LSM3: variants seen among roughly 807,000 people sequenced by gnomAD.
LSM3 encodes LSM3 homolog, U6 small nuclear RNA and mRNA degradation associated, also known as U6 snRNA-associated Sm-like protein LSm3.
In LSM3, 14 loss-of-function variants were observed where a neutral mutation model predicts 15.4. The observed-to-expected ratio is 0.91, with a 90% CI of 0.60 to 1.42. The LOEUF is 1.42. LSM3 is among the 40% of genes most tolerant of loss of function. LSM3 has a pLI of 0.00. For synonymous variants in LSM3, 46 were observed against 45.1 expected (o/e 1.02, Z -0.08); for missense variants, 88 against 127.9 (o/e 0.69, Z 1.50).
intron 3 of LSM3, among the ~76,000 whole-genome samples, chr3:14,189,477 T>G (rs1697119343): frequency 6.6e-6 from 1 of 152,248 alleles, no homozygotes; most frequent in Non-Finnish European, 1.5e-5. Context: ...GTTTCCTGGC[T>G]TTTTAATGAT....
chr3:14,181,451 C>A, intron 1 of LSM3, 109 bp from the exon 2 acceptor site: 3 of 717,962 alleles, frequency 4.2e-6, no homozygotes, highest in Non-Finnish European at 7.5e-6. Context: ...GATTAGGAGA[C>A]TGAGGCAGAA....
chr3:14,193,391 C>T (rs188147462), intron 3 of LSM3, among the ~76,000 whole-genome samples: 1 of 152,304 alleles, frequency 6.6e-6, no homozygotes, highest in East Asian at 1.9e-4. Flanking sequence ...TGGTTCCATT[C>T]TCTCCGTCAC....
rs1198495185 is a variant in LSM3 at position 14,200,989 on chromosome 3, T to C, written c.*2873T>C. On this transcript the variant is annotated 3_prime_UTR_variant, in exon 4 of 4. Coordinates refer to ENST00000306024, the MANE Select transcript of LSM3 (RefSeq NM_014463.3). ...TCAAATAATACTTAGCTATTACCCA[T>C]ATTGCTTTTAGCCTGCTGCCAGGAG... 1 of 152,166 alleles carries C rather than the reference T, an allele frequency of 6.6e-6. No homozygotes were observed. The highest frequency in any genetic ancestry group is 1.5e-5 in the Non-Finnish European group (1 of 68,022). 9.4% of individuals were successfully genotyped at this position (152,166 alleles called of 1,614,324 possible). A position where few individuals can be genotyped will look rare whatever the true frequency, so the allele number is the denominator to read the frequency against.
rs895863824 is a variant in LSM3, at chr3:14,178,866, G to C, written c.6G>C (p.Ala2=). 1 of 1,614,216 alleles carries C rather than the reference G, an allele frequency of 6.2e-7. No homozygotes were observed. The highest frequency in any genetic ancestry group is 8.5e-7 in the Non-Finnish European group (1 of 1,180,032). The change falls in exon 1 of 4, where the codon GCG becomes GCC. Residue 2 remains alanine, a synonymous_variant. Transcript: ENST00000306024. The part of the protein sequence containing the change: M[A]DDVDQQQTTN... ...AAGGGCGCAGGGTTTGAAACATGGC[G>C]GACGACGTAGACCAGGTAAGTGTAT...
At chr3:14,195,109 C>A (rs2124828707) in intron 3 of LSM3, among the ~76,000 whole-genome samples, 1 of 152,264 alleles carries the variant, frequency 6.6e-6, no homozygotes, top group South Asian at 2.1e-4. Flanking sequence ...TTCCTCCATG[C>A]AGTCATTCAG....
At chr3:14,180,820 CCT>C (rs1491277394) in intron 1 of LSM3, among the ~76,000 whole-genome samples, 617 of 51,404 alleles carry the variant, frequency 0.012, 60 homozygotes, top group African/African-American at 0.027. Context: ...TGCTTGCTTG[CCT>C]TTTTTTTTTT....
rs1441857286 is a variant in LSM3 at position 14,199,663 on chromosome 3, C to T, written c.*1547C>T. On this transcript the variant is annotated 3_prime_UTR_variant, in exon 4 of 4. Coordinates refer to ENST00000306024, the MANE Select transcript of LSM3 (RefSeq NM_014463.3). ...GACACCCTCCCTTCACTTGTGCCAT[C>T]CCCACGCTTTGTCCTTAAGCTGTAG... The T allele has an allele frequency of 6.6e-6, 1 of 152,220 alleles. No homozygotes were observed. Among genetic ancestry groups the T allele is most frequent in the Non-Finnish European group, 1.5e-5 (1 of 68,050 alleles). The allele number at this position is 152,220 out of a possible 1,614,324, so 9.4% of individuals were successfully genotyped here.
At chr3:14,179,525 C>G (rs1696992405) in intron 1 of LSM3, among the ~76,000 whole-genome samples, 1 of 152,200 alleles carries the variant, frequency 6.6e-6, no homozygotes, top group East Asian at 1.9e-4. Context: ...ATCTGACCTC[C>G]TCAGAGAGGA....
At chr3:14,189,986 G>C (rs905088291) in intron 3 of LSM3, among the ~76,000 whole-genome samples, 3 of 152,202 alleles carry the variant, frequency 2.0e-5, no homozygotes, top group Admixed American at 6.5e-5. Flanking sequence ...AAGGTGTAAG[G>C]AAGGGATCCA....
At chr3:14,192,398 A>G (rs541566746) in intron 3 of LSM3, among the ~76,000 whole-genome samples, 1 of 152,180 alleles carries the variant, frequency 6.6e-6, no homozygotes, top group African/African-American at 2.4e-5. Flanking sequence ...GTCTCCCGCA[A>G]TTATTGTGTG....
At chr3:14,184,551 G>A (rs934206801) in intron 3 of LSM3, among the ~76,000 whole-genome samples, 5 of 150,186 alleles carry the variant, frequency 3.3e-5, no homozygotes, top group African/African-American at 1.2e-4. Flanking sequence ...TCAGGAGATC[G>A]AGACCATCCC....
chr3:14,195,949 G>GTTTTTTTTTTT (rs58504064), intron 3 of LSM3, among the ~76,000 whole-genome samples: 1 of 138,506 alleles, frequency 7.2e-6, no homozygotes, highest in Admixed American at 7.2e-5. Flanking sequence ...AGCTTTGTGA[G>GTTTTTTTTTTT]TTTTTTTTTT....
At position 14,181,670 on chromosome 3, in the gene LSM3, T is replaced by C. The variant is rs1697040326; in HGVS notation, c.132T>C (p.His44=). 1.2e-6 allele frequency: 2 copies of C among 1,602,084 alleles called. No individual in the cohort carries two copies. Among genetic ancestry groups the C allele is most frequent in the South Asian group, 2.2e-5 (2 of 90,826 alleles). ...ACCGAGAGCTTCGAGGCAGATTACA[T>C]GTAAGTAAATTTATCAAGTTACCTT... ...RNDRELRGRL[H]AYDQHLNMIL... is the part of the protein sequence containing the mutation. The change falls in exon 2 of 4, where the codon CAT becomes CAC. Residue 44 remains histidine (H), a splice_region_variant and synonymous_variant. Transcript: ENST00000306024.
chr3:14,191,145 G>C (rs999118277), intron 3 of LSM3, among the ~76,000 whole-genome samples: 1 of 152,130 alleles, frequency 6.6e-6, no homozygotes, highest in Non-Finnish European at 1.5e-5. Context: ...ACTTGATCGT[G>C]GTGGATCAGC....
At chr3:14,187,135 G>A (rs1697096569) in intron 3 of LSM3, among the ~76,000 whole-genome samples, 2 of 152,184 alleles carry the variant, frequency 1.3e-5, no homozygotes. Flanking sequence ...GTCCACCTGT[G>A]TCATCCCTAG....
intron 3 of LSM3, among the ~76,000 whole-genome samples, chr3:14,184,320 A>C (rs898495826): frequency 2.0e-5 from 3 of 152,236 alleles, no homozygotes; most frequent in African/African-American, 7.2e-5. Flanking sequence ...ATTCAGTGAG[A>C]TACAACAATG....
chr3:14,198,057 A>G lies in LSM3; in HGVS notation c.250A>G (p.Met84Val), dbSNP rs747225926. The change falls in exon 4 of 4, where the codon ATG becomes GTG. Residue 84 changes from methionine to valine, a missense_variant. Coordinates refer to ENST00000306024, the MANE Select transcript of LSM3 (RefSeq NM_014463.3). ...CTAGTCAACGAAACGGAATATTCCA[A>G]TGCTCTTTGTCCGGGGAGATGGCGT... ...IYKSTKRNIP[M>V]LFVRGDGVVL... The G allele has an allele frequency of 3.1e-6, 5 of 1,613,872 alleles. No homozygotes were observed. The highest frequency in any genetic ancestry group is 2.2e-5 in the East Asian group (1 of 44,868).
At chr3:14,186,594 T>G (rs1411137112) in intron 3 of LSM3, among the ~76,000 whole-genome samples, 1 of 152,254 alleles carries the variant, frequency 6.6e-6, no homozygotes, top group Non-Finnish European at 1.5e-5. Flanking sequence ...TAGCATTTTT[T>G]TCTTTTTTTA....
intron 1 of LSM3, among the ~76,000 whole-genome samples, chr3:14,180,820 CCTTTTTTTTTTTTTTTTTTTTTTT>C (rs1342311393): frequency 7.8e-5 from 4 of 51,398 alleles, no homozygotes; most frequent in Non-Finnish European, 7.3e-5. Flanking sequence ...TGCTTGCTTG[CCTTTTTTTTTTTTTTTTTTTTTTT>C]TTTTTTTTTT....
Sources: gnomAD v4.1 joint callset for allele counts (sites outside exome capture counted in the v4.1 genomes callset) on GRCh38, gnomAD v4.1.1 for gene constraint, MANE v1.5 for transcripts, NCBI Gene and HGNC (gene_info 2026-07-23, HGNC 2026-07-21) for gene names.